LHFPL6: variants seen among roughly 807,000 people sequenced by gnomAD.
LHFPL6 encodes LHFPL tetraspan subfamily member 6 protein.
LHFPL6 carries 9 observed loss-of-function variants against 20.6 expected under a neutral mutation model. The observed-to-expected ratio is 0.44, with a 90% CI of 0.26 to 0.76. The LOEUF is 0.76. LHFPL6 is among the 30% of genes least tolerant of loss of function. The pLI is 0.20. For missense variants in LHFPL6, 218 were observed against 253.5 expected (o/e 0.86, Z 0.95); for synonymous variants, 105 against 98.7 (o/e 1.06, Z -0.38).
chr13:39,405,243 C>T (rs1023582726), intron 2 of LHFPL6, among the ~76,000 whole-genome samples: 4 of 152,186 alleles, frequency 2.6e-5, no homozygotes, highest in African/African-American at 9.7e-5. Flanking sequence ...CCCAACTCTG[C>T]CTTCTGTCTC....
intron 2 of LHFPL6, among the ~76,000 whole-genome samples, chr13:39,428,197 TTGTC>T (rs1393151590): frequency 1.3e-5 from 2 of 152,196 alleles, no homozygotes; most frequent in African/African-American, 2.4e-5. Flanking sequence ...TTGAATGTCT[TTGTC>T]TGGCCTTATA....
intron 2 of LHFPL6, among the ~76,000 whole-genome samples, chr13:39,527,791 C>T (rs903549616): frequency 6.6e-6 from 1 of 152,186 alleles, no homozygotes; most frequent in Non-Finnish European, 1.5e-5. Context: ...AACTCTCATA[C>T]TTCTGTTATT....
intron 2 of LHFPL6, among the ~76,000 whole-genome samples, chr13:39,503,988 T>A (rs1423044338): frequency 6.6e-6 from 1 of 152,156 alleles, no homozygotes; most frequent in Non-Finnish European, 1.5e-5. Flanking sequence ...AAATTAGAAG[T>A]TTTGGTATAT....
At position 39,460,961 on chromosome 13, in the gene LHFPL6, T is replaced by A. The variant is rs1872673574; in HGVS notation, c.386-82435A>T. On this transcript the variant is annotated intron_variant, in intron 2 of 3. Transcript: ENST00000379589. ...GGTGATAAGCATAATACCTGATAGG[T>A]AGTTTTTCAATCCTCACCCTCCTAC... Among the ~76,000 whole-genome samples, 4 of 152,292 alleles carry A rather than the reference T, an allele frequency of 2.6e-5. No homozygotes were observed. In the South Asian group the frequency reaches 8.3e-4, roughly 32 times the overall value.
intron 3 of LHFPL6, among the ~76,000 whole-genome samples, chr13:39,355,426 CA>C: frequency 6.6e-6 from 1 of 152,242 alleles, no homozygotes; most frequent in South Asian, 2.1e-4. Flanking sequence ...CCTGATACCA[CA>C]AAAACACATT....
chr13:39,380,975 G>T (rs1310309097), intron 2 of LHFPL6, among the ~76,000 whole-genome samples: 1 of 152,042 alleles, frequency 6.6e-6, no homozygotes, highest in Non-Finnish European at 1.5e-5. Flanking sequence ...CTACATTATG[G>T]TGAGTTGTAT....
chr13:39,600,592 T>C (rs370191220), intron 2 of LHFPL6, among the ~76,000 whole-genome samples: 5 of 152,198 alleles, frequency 3.3e-5, no homozygotes, highest in Non-Finnish European at 2.9e-5. Flanking sequence ...CTGTTTCACA[T>C]AGGTGGCACT....
At chr13:39,462,421 A>T (rs1872709789) in intron 2 of LHFPL6, among the ~76,000 whole-genome samples, 1 of 152,224 alleles carries the variant, frequency 6.6e-6, no homozygotes, top group South Asian at 2.1e-4. Flanking sequence ...CACACACCAC[A>T]GCTTTAGGAA....
chr13:39,511,443 C>T (rs1341378583), intron 2 of LHFPL6, among the ~76,000 whole-genome samples: 3 of 149,564 alleles, frequency 2.0e-5, no homozygotes, highest in Non-Finnish European at 4.4e-5. Flanking sequence ...TGTTCCTAAC[C>T]CCTGTCAATT....
At chr13:39,530,627 G>T (rs1339633938) in intron 2 of LHFPL6, among the ~76,000 whole-genome samples, 1 of 152,092 alleles carries the variant, frequency 6.6e-6, no homozygotes, top group African/African-American at 2.4e-5. Flanking sequence ...AATAACCATT[G>T]GATGAACCTC....
chr13:39,455,553 G>A (rs534537275), intron 2 of LHFPL6, among the ~76,000 whole-genome samples: 4 of 152,296 alleles, frequency 2.6e-5, no homozygotes, highest in Non-Finnish European at 4.4e-5. Context: ...ATTAGTTCTA[G>A]AGAGAGCAGA....
chr13:39,442,614 G>A (rs1433849003), intron 2 of LHFPL6, among the ~76,000 whole-genome samples: 1 of 152,192 alleles, frequency 6.6e-6, no homozygotes, highest in African/African-American at 2.4e-5. Context: ...GTAGCTCTAA[G>A]TGTCTATCTT....
chr13:39,361,379 G>A lies in LHFPL6; in HGVS notation c.484+17049C>T, dbSNP rs887929679. Reference sequence around the variant, plus strand: ...TGTCGCCAGGCTGGAGTGCAGTGGCGTGATCTTGGCTCACTGCAACCTCCG... The same window carrying A: ...TGTCGCCAGGCTGGAGTGCAGTGGCATGATCTTGGCTCACTGCAACCTCCG... On this transcript the variant is annotated intron_variant, in intron 3 of 3. Coordinates refer to ENST00000379589, the MANE Select transcript of LHFPL6 (RefSeq NM_005780.3). Among the ~76,000 whole-genome samples, 51 of 151,428 alleles carry A rather than the reference G, an allele frequency of 3.4e-4. 1 individual carries two copies. Among genetic ancestry groups the A allele is most frequent in the East Asian group, 2.5e-3 (13 of 5,124 alleles).
chr13:39,369,105 C>T (rs547277655), intron 3 of LHFPL6, among the ~76,000 whole-genome samples: 2 of 137,080 alleles, frequency 1.5e-5, no homozygotes, highest in Admixed American at 7.2e-5. Flanking sequence ...AAGGACAACA[C>T]TGAAAAAAAA....
At chr13:39,516,225 G>A (rs971322408) in intron 2 of LHFPL6, among the ~76,000 whole-genome samples, 1 of 152,192 alleles carries the variant, frequency 6.6e-6, no homozygotes, top group Non-Finnish European at 1.5e-5. Context: ...TAGCCTCTAG[G>A]AAATGAATGC....
intron 2 of LHFPL6, among the ~76,000 whole-genome samples, chr13:39,400,526 G>A (rs1002293090): frequency 1.3e-5 from 2 of 152,104 alleles, no homozygotes; most frequent in Non-Finnish European, 2.9e-5. Flanking sequence ...GCTCACGCCT[G>A]TAATCCCAGC....
chr13:39,435,226 T>C (rs1028789928), intron 2 of LHFPL6, among the ~76,000 whole-genome samples: 4 of 152,174 alleles, frequency 2.6e-5, no homozygotes, highest in Admixed American at 6.5e-5. Context: ...TTAACCTTTT[T>C]TTAATGAAAA....
At chr13:39,544,401 A>C (rs978037688) in intron 2 of LHFPL6, among the ~76,000 whole-genome samples, 1 of 152,188 alleles carries the variant, frequency 6.6e-6, no homozygotes, top group Admixed American at 6.5e-5. Flanking sequence ...AACAGATATG[A>C]ACTGAGAATA....
intron 2 of LHFPL6, among the ~76,000 whole-genome samples, chr13:39,478,706 A>C (rs1345892015): frequency 6.6e-6 from 1 of 151,974 alleles, no homozygotes. Flanking sequence ...AAGGCAGAGA[A>C]ATAAGTAATT....
Sources: gnomAD v4.1 joint callset for allele counts (sites outside exome capture counted in the v4.1 genomes callset) on GRCh38, gnomAD v4.1.1 for gene constraint, MANE v1.5 for transcripts, NCBI Gene and HGNC (gene_info 2026-07-23, HGNC 2026-07-21) for gene names.